Variants in CNOT6L observed in about 807,000 individuals in gnomAD.
CNOT6L encodes the protein CCR4-NOT transcription complex subunit 6-like.
A neutral mutation model predicts 64.0 loss-of-function variants in CNOT6L; 7 were observed. That is an observed-to-expected ratio of 0.11 (90% CI 0.06 to 0.21). The LOEUF is 0.21. Among genes scored for constraint, CNOT6L ranks in the 10% least tolerant of loss-of-function variants. CNOT6L has a pLI of 1.00. For synonymous variants in CNOT6L, 193 were observed against 243.4 expected, an observed-to-expected ratio of 0.79 and a Z score of 1.93; for missense variants, 245 against 669.0, an observed-to-expected ratio of 0.37 and a Z score of 6.99.
At chr4:77,766,347 C>T (rs1726815415) in intron 4 of CNOT6L, among the ~76,000 whole-genome samples, 1 of 151,964 alleles carries the variant, frequency 6.6e-6, no homozygotes, top group Non-Finnish European at 1.5e-5. Flanking sequence ...TTGAAGGAAA[C>T]TTCTAAAATC....
In CNOT6L at chr4:77,748,376, C is replaced by T. The variant is rs199850310; in HGVS notation, c.499G>A (p.Glu167Lys). ...FMLDNLAVHPEQLPPRPWITL... is the reference protein window; with the variant it reads ...FMLDNLAVHPKQLPPRPWITL... ...ATCCATGGCCTCGGAGGAAGCTGCT[C>T]TGGATGAACTGAAAAAAATTTTGTA... The change falls in exon 6 of 12, where the codon GAG becomes AAG. Residue 167 changes from glutamate to lysine, a missense_variant. Coordinates refer to ENST00000504123, the MANE Select transcript of CNOT6L (RefSeq NM_144571.3). 1 of 1,611,052 alleles carries T rather than the reference C, an allele frequency of 6.2e-7. No homozygotes were observed. Among genetic ancestry groups the T allele is most frequent in the East Asian group, 2.2e-5 (1 of 44,816 alleles).
At chr4:77,739,668 G>C (rs1723362752) in intron 8 of CNOT6L, among the ~76,000 whole-genome samples, 1 of 152,198 alleles carries the variant, frequency 6.6e-6, no homozygotes, top group African/African-American at 2.4e-5. Flanking sequence ...AAGTTGAAAA[G>C]AGGTACAATA....
At chr4:77,751,671 A>G (rs2109978989) in intron 5 of CNOT6L, among the ~76,000 whole-genome samples, 1 of 152,346 alleles carries the variant, frequency 6.6e-6, no homozygotes, top group South Asian at 2.1e-4. Context: ...TACCTATAGG[A>G]CATCAACTCA....
intron 4 of CNOT6L, among the ~76,000 whole-genome samples, chr4:77,768,474 A>AATATATATATATATATATATATATATAT (rs1193284066): frequency 7.6e-5 from 1 of 13,110 alleles, no homozygotes; most frequent in Non-Finnish European, 2.4e-4. Context: ...AAAATAAATA[A>AATATATATATATATATATATATATATAT]ATATATATAT....
At chr4:77,724,396 TGG>T (rs1721607145) in intron 11 of CNOT6L, among the ~76,000 whole-genome samples, 1 of 151,524 alleles carries the variant, frequency 6.6e-6, no homozygotes, top group African/African-American at 2.4e-5. Context: ...CCCAGCACTT[TGG>T]GAGGCTGAGG....
rs1720519690 is a variant in CNOT6L at position 77,714,434 on chromosome 4, TC to T, written c.*5996del. 1 of 80,092 alleles carries T rather than the reference TC, an allele frequency of 1.2e-5. No homozygotes were observed. Among genetic ancestry groups the T allele is most frequent in the Non-Finnish European group, 2.3e-5 (1 of 43,308 alleles). The allele number at this position is 80,092 out of a possible 1,614,324, so 5.0% of individuals were successfully genotyped here. On this transcript the variant is annotated 3_prime_UTR_variant, in exon 12 of 12. Coordinates refer to ENST00000504123, the MANE Select transcript of CNOT6L (RefSeq NM_144571.3). ...AGAGAGAAAAAGTACATACACACTC[TC>T]TTTAAAAAAAAAAAAAAAAAAAAAA...
In CNOT6L at chr4:77,787,862, G is replaced by C. The variant is rs141083085; in HGVS notation, c.6-11470C>G. ...TTCCAATTCTAGCATTCAGAAAACT[G>C]TAATATAAAGAGGTTTAGAAGCTTG... On this transcript the variant is annotated intron_variant, in intron 1 of 11. Coordinates refer to ENST00000504123, the MANE Select transcript of CNOT6L (RefSeq NM_144571.3). Among the ~76,000 whole-genome samples the C allele has an allele frequency of 7.4e-3, 1,127 of 152,290 alleles. 17 individuals are homozygous for C. Among genetic ancestry groups the C allele is most frequent in the Non-Finnish European group, 7.2e-3 (487 of 68,030 alleles).
At chr4:77,775,086 C>A (rs1577971847) in intron 2 of CNOT6L, among the ~76,000 whole-genome samples, 1 of 152,158 alleles carries the variant, frequency 6.6e-6, no homozygotes, top group East Asian at 1.9e-4. Context: ...GGTACTACTG[C>A]TATCTAGTGA....
chr4:77,726,629 T>G (rs1284856578), intron 10 of CNOT6L, among the ~76,000 whole-genome samples: 1 of 152,228 alleles, frequency 6.6e-6, no homozygotes. Context: ...ATCCTTAGTT[T>G]TCTTAGTGGT....
chr4:77,807,728 G>C (rs2110166514), intron 1 of CNOT6L, among the ~76,000 whole-genome samples: 1 of 152,210 alleles, frequency 6.6e-6, no homozygotes, highest in Non-Finnish European at 1.5e-5. Flanking sequence ...GATCATCAAG[G>C]GCCTTACACA....
In CNOT6L at chr4:77,760,860, C is replaced by CTTTTTTTTTTTTTT. The variant is rs754195745; in HGVS notation, c.401-3923_401-3910dup. Among the ~76,000 whole-genome samples, 14 of 29,980 alleles carry CTTTTTTTTTTTTTT rather than the reference C, an allele frequency of 4.7e-4. 3 individuals carry two copies. The highest frequency in any genetic ancestry group is 1.3e-3 in the Admixed American group (2 of 1,538). The allele number at this position is 29,980 out of a possible 152,430, so 19.7% of individuals were successfully genotyped here. ...TACAGGTGCACACCACCATGCCTGG[C>CTTTTTTTTTTTTTT]TTTTTTTTTTTTTTTTTTTTTTTTT... On this transcript the variant is annotated intron_variant, in intron 4 of 11. Coordinates refer to ENST00000504123, the MANE Select transcript of CNOT6L (RefSeq NM_144571.3).
intron 7 of CNOT6L, 148 bp downstream of exon 7, chr4:77,744,570 T>C (rs1723989055): frequency 1.5e-6 from 1 of 650,150 alleles, no homozygotes; most frequent in African/African-American, 1.8e-5. Context: ...TAAATGCTTA[T>C]TTAAATTGTC....
intron 9 of CNOT6L, among the ~76,000 whole-genome samples, 200 bp from the exon 10 acceptor site, chr4:77,729,281 T>A (rs1385453038): frequency 6.6e-6 from 1 of 152,220 alleles, no homozygotes; most frequent in Non-Finnish European, 1.5e-5. Flanking sequence ...GGAATTACTC[T>A]CCTAGATCAA....
intron 1 of CNOT6L, among the ~76,000 whole-genome samples, chr4:77,779,204 A>G (rs1036322356): frequency 2.0e-5 from 3 of 152,036 alleles, no homozygotes; most frequent in African/African-American, 7.2e-5. Context: ...ATCTCCATAC[A>G]GTTCCCGCCA....
intron 8 of CNOT6L, among the ~76,000 whole-genome samples, chr4:77,734,705 CT>C (rs1234671913): frequency 6.6e-6 from 1 of 151,974 alleles, no homozygotes; most frequent in Non-Finnish European, 1.5e-5. Context: ...TGCTCTGAAA[CT>C]TCATTCTATT....
intron 1 of CNOT6L, among the ~76,000 whole-genome samples, chr4:77,805,375 A>G (rs1439113684): frequency 6.6e-6 from 1 of 152,210 alleles, no homozygotes; most frequent in Admixed American, 6.5e-5. Flanking sequence ...TAGTACAAGC[A>G]AAGGTAATTA....
chr4:77,774,751 C>T (rs1444234831), intron 2 of CNOT6L, 35 bp from the exon 3 acceptor site: 34 of 1,409,040 alleles, frequency 2.4e-5, no homozygotes, highest in Non-Finnish European at 3.2e-5. Context: ...AAAAAAAAAC[C>T]CCAGGCCCAA....
At chr4:77,817,469 T>G (rs1176088844) in intron 1 of CNOT6L, among the ~76,000 whole-genome samples, 1 of 152,234 alleles carries the variant, frequency 6.6e-6, no homozygotes, top group Non-Finnish European at 1.5e-5. Context: ...GAGGCAGAAC[T>G]AAAATTTAAC....
chr4:77,743,176 T>C (rs1019054833), intron 7 of CNOT6L, among the ~76,000 whole-genome samples: 1 of 152,168 alleles, frequency 6.6e-6, no homozygotes, highest in African/African-American at 2.4e-5. Flanking sequence ...GGTATTTCCC[T>C]CCATCATGCT....
Sources: allele counts gnomAD v4.1 joint callset (sites outside exome capture counted in the v4.1 genomes callset), GRCh38; gene constraint gnomAD v4.1.1; transcripts MANE v1.5; gene names NCBI Gene and HGNC (gene_info 2026-07-23, HGNC 2026-07-21).